The following NAGLU variants were observed in gnomAD, a reference collection of about 807,000 sequenced individuals.
NAGLU encodes N-acetyl-alpha-glucosaminidase, also known as alpha-N-acetylglucosaminidase.
NAGLU carries 34 observed loss-of-function variants against 43.4 expected under a neutral mutation model. The ratio of observed to expected loss-of-function variants is 0.78; its 90% confidence interval spans 0.60 to 1.04. NAGLU has a LOEUF of 1.04. Among genes scored for constraint, NAGLU ranks in the 50% least tolerant of loss-of-function variants. NAGLU has a pLI of 0.00. For missense variants in NAGLU, 910 were observed against 993.7 expected (o/e 0.92, Z 1.13); for synonymous variants, 425 against 437.6 (o/e 0.97, Z 0.36).
chr17:42,536,463 C>A lies in NAGLU; in HGVS notation c.191C>A (p.Thr64Asn). The A allele has an allele frequency of 8.1e-7, 1 of 1,233,144 alleles. No individual in the cohort carries two copies. Among genetic ancestry groups the A allele is most frequent in the Non-Finnish European group, 1.0e-6 (1 of 985,236 alleles). 76.4% of individuals were successfully genotyped at this position (1,233,144 alleles called of 1,614,324 possible). ...CTGGCTGCCAAGCCGGGCTTGGACA[C>A]CTACAGCCTGGGCGGCGGCGGCGCG... ...RALAAKPGLD[T>N]YSLGGGGAAR... The change falls in exon 1 of 6, where the codon ACC (threonine) becomes AAC (asparagine). Residue 64 changes from threonine to asparagine, a missense_variant. By Grantham distance (65) the Thr-to-Asn change is moderately conservative. Transcript: ENST00000225927.
Position 42,536,585 on chromosome 17 carries a change from G to C in NAGLU, c.313G>C (p.Gly105Arg), listed in dbSNP as rs1181544224. The change falls in exon 1 of 6, where the codon GGC (glycine) becomes CGC (arginine). Residue 105 changes from glycine (G) to arginine (R), a missense_variant. Gly to Arg is a moderately radical substitution (Grantham distance 125). Coordinates refer to ENST00000225927, the MANE Select transcript of NAGLU (RefSeq NM_000263.4). ...CTGTGGCTGCCACGTGGCCTGGTCC[G>C]GCTCTCAGCTGCGCCTGCCGCGGCC... ...DFCGCHVAWSGSQLRLPRPLP... is the reference protein window; with the variant it reads ...DFCGCHVAWSRSQLRLPRPLP... 1.3e-6 allele frequency: 2 copies of C among 1,490,210 alleles called. No individual in the cohort carries two copies. The highest frequency in any genetic ancestry group is 1.8e-6 in the Non-Finnish European group (2 of 1,127,928). 92.3% of individuals were successfully genotyped at this position (1,490,210 alleles called of 1,614,324 possible). A position where few individuals can be genotyped will look rare whatever the true frequency, so the allele number is the denominator to read the frequency against.
In NAGLU at chr17:42,536,306, G is replaced by T; in HGVS notation, c.34G>T (p.Val12Phe). The change falls in exon 1 of 6, where the codon GTC becomes TTC. Residue 12 changes from valine to phenylalanine, a missense_variant. Coordinates refer to ENST00000225927, the MANE Select transcript of NAGLU (RefSeq NM_000263.4). ...GGTGGCGGTGGCCGCGGCGGTGGGG[G>T]TCCTTCTCCTGGCCGGGGCCGGGGG... ...EAVAVAAAVG[V>F]LLLAGAGGAA... is the part of the protein sequence containing the mutation. 2 of 1,219,176 alleles carry T rather than the reference G, an allele frequency of 1.6e-6. No homozygotes were observed. Among genetic ancestry groups the T allele is most frequent in the Non-Finnish European group, 1.0e-6 (1 of 980,112 alleles). 75.5% of individuals were successfully genotyped at this position (1,219,176 alleles called of 1,614,324 possible).
At chr17:42,544,448 AACTGATGAG>A (rs1327042726) in exon 6 of NAGLU, 69 of 701,626 alleles carry the variant, frequency 9.8e-5, no homozygotes, top group Non-Finnish European at 1.5e-4. Flanking sequence ...TTTCCACTTA[AACTGATGAG>A]TCCCCTGGGT....
In NAGLU at chr17:42,543,354, C is replaced by G. The variant is rs1213961819; in HGVS notation, c.1348C>G (p.Gln450Glu). 2 of 1,612,798 alleles carry G rather than the reference C, an allele frequency of 1.2e-6. No individual in the cohort carries two copies. Among genetic ancestry groups the G allele is most frequent in the Non-Finnish European group, 1.7e-6 (2 of 1,179,828 alleles). Reference protein sequence around the residue: ...GTGMAPEGISQNEVVYSLMAE... With the variant: ...GTGMAPEGISENEVVYSLMAE... Reference sequence around the variant, plus strand: ...GGGCATGGCCCCCGAGGGCATCAGCCAGAACGAAGTGGTCTATTCCCTCAT... The same window carrying G: ...GGGCATGGCCCCCGAGGGCATCAGCGAGAACGAAGTGGTCTATTCCCTCAT... The change falls in exon 6 of 6, where the codon CAG (glutamine) becomes GAG (glutamate). Residue 450 changes from glutamine to glutamate, a missense_variant. Transcript: ENST00000225927.
Position 42,543,737 on chromosome 17 carries a change from G to C in NAGLU, c.1731G>C (p.Glu577Asp). 6.2e-7 allele frequency: 1 copy of C among 1,611,692 alleles called. No individual in the cohort carries two copies. Among genetic ancestry groups the C allele is most frequent in the Non-Finnish European group, 8.5e-7 (1 of 1,179,946 alleles). Residue 577 changes from glutamate (E) to aspartate (D), a missense_variant, in exon 6 of 6, where the codon GAG (glutamate) becomes GAC (aspartate). Physicochemically the swap from Glu to Asp is conservative, Grantham distance 45. Coordinates refer to ENST00000225927, the MANE Select transcript of NAGLU (RefSeq NM_000263.4). ...AVQELVSLYY[E>D]EARSAYLSKE... ...AGGAGCTGGTCAGCTTGTACTATGA[G>C]GAGGCAAGAAGCGCCTACCTGAGCA...
In NAGLU at chr17:42,536,495, G is replaced by C. The variant is rs1460838744; in HGVS notation, c.223G>C (p.Val75Leu). 35 of 1,230,510 alleles carry C rather than the reference G, an allele frequency of 2.8e-5. No homozygotes were observed. The highest frequency in any genetic ancestry group is 3.3e-5 in the Non-Finnish European group (33 of 989,770). 76.2% of individuals were successfully genotyped at this position (1,230,510 alleles called of 1,614,324 possible). A position where few individuals can be genotyped will look rare whatever the true frequency, so the allele number is the denominator to read the frequency against. ...CCTGGGCGGCGGCGGCGCGGCGCGC[G>C]TGCGGGTGCGCGGCTCCACGGGCGT... ...YSLGGGGAAR[V>L]RVRGSTGVAA... The change falls in exon 1 of 6, where the codon GTG (valine) becomes CTG (leucine). Residue 75 changes from valine to leucine, a missense_variant. By Grantham distance (32) the Val-to-Leu change is conservative (BLOSUM62 1). Coordinates refer to ENST00000225927, the MANE Select transcript of NAGLU (RefSeq NM_000263.4).
Position 42,544,276 on chromosome 17 carries a change from C to G in NAGLU, c.*38C>G. The stretch of plus-strand genomic sequence containing the variant: ...CACTGGGCCTTGTTTTCCGCTAATT[C>G]CAGGGCAGATTCCAGGGCCCAGAGC... On this transcript the variant is annotated 3_prime_UTR_variant, in exon 6 of 6. Transcript: ENST00000225927. 6.2e-7 allele frequency: 1 copy of G among 1,602,374 alleles called. No homozygotes were observed.
In NAGLU at chr17:42,538,405, G is replaced by C; in HGVS notation, c.598G>C (p.Ala200Pro). ...GTTCTTTACTGGTCCTGCCTTCCTG[G>C]CCTGGGGGCGAATGGGCAACCTGCA... is the stretch of plus-strand genomic sequence containing the variant. ...NEFFTGPAFL[A>P]WGRMGNLHTW... is the part of the protein sequence containing the mutation. Residue 200 changes from alanine (A) to proline (P), a missense_variant, in exon 3 of 6, where the codon GCC becomes CCC. Coordinates refer to ENST00000225927, the MANE Select transcript of NAGLU (RefSeq NM_000263.4). The C allele has an allele frequency of 6.2e-7, 1 of 1,614,212 alleles. No individual in the cohort carries two copies. Among genetic ancestry groups the C allele is most frequent in the South Asian group, 1.1e-5 (1 of 91,090 alleles).
At position 42,537,363 on chromosome 17, in the gene NAGLU, G is replaced by T. The variant is rs377504314; in HGVS notation, c.384-35G>T. On this transcript the variant is annotated intron_variant, in intron 1 of 5. Coordinates refer to ENST00000225927, the MANE Select transcript of NAGLU (RefSeq NM_000263.4). ...GTTCCAGGGCCGTGGACCCTCCAGG[G>T]TGGGATGCGCCCCTGCTCATGACAC... 19 of 1,613,670 alleles carry T rather than the reference G, an allele frequency of 1.2e-5. No individual in the cohort carries two copies. The African/African-American group carries it at 2.3e-4, about 19-fold the overall frequency.
At position 42,541,010 on chromosome 17, in the gene NAGLU, C is replaced by G. The variant is rs1419069826; in HGVS notation, c.825C>G (p.Tyr275Ter). 1 of 1,614,228 alleles carries G rather than the reference C, an allele frequency of 6.2e-7. No homozygotes were observed. The highest frequency in any genetic ancestry group is 2.2e-5 in the East Asian group (1 of 44,882). Residue 275 changes from tyrosine (Y) to a stop codon, truncating the protein, a stop_gained, in exon 5 of 6, where the codon TAC (tyrosine) becomes TAG (stop). Transcript: ENST00000225927. LOFTEE classifies it high-confidence loss of function. ...MGSWGHFNCS[Y>*]SCSFLLAPED... is the part of the protein sequence containing the mutation. ...GTTGGGGCCACTTTAACTGTTCCTA[C>G]TCCTGCTCCTTCCTTCTGGCTCCGG...
In NAGLU at chr17:42,537,465, G is replaced by A. The variant is rs1210937801; in HGVS notation, c.451G>A (p.Glu151Lys). ...CGTGTGGTGGGACTGGGCCCGCTGG[G>A]AGCGAGAGATAGACTGGATGGCGCT... ...SFVWWDWARW[E>K]REIDWMALNG... is the part of the protein sequence containing the mutation. Residue 151 changes from glutamate to lysine, a missense_variant, in exon 2 of 6, where the codon GAG becomes AAG. Physicochemically the swap from Glu to Lys is moderately conservative, Grantham distance 56 (BLOSUM62 1). Transcript: ENST00000225927. 2.5e-6 allele frequency: 4 copies of A among 1,614,140 alleles called. No individual in the cohort carries two copies. The highest frequency in any genetic ancestry group is 2.7e-5 in the African/African-American group (2 of 74,952).
In NAGLU at chr17:42,544,121, G is replaced by A. The variant is rs765154313; in HGVS notation, c.2115G>A (p.Glu705=). 2.5e-6 allele frequency: 4 copies of A among 1,614,138 alleles called. No homozygotes were observed. Among genetic ancestry groups the A allele is most frequent in the Non-Finnish European group, 3.4e-6 (4 of 1,180,030 alleles). The change falls in exon 6 of 6, where the codon GAG becomes GAA. Residue 705 remains glutamate, a synonymous_variant. Coordinates refer to ENST00000225927, the MANE Select transcript of NAGLU (RefSeq NM_000263.4). ...TTGACAAAAATGTCTTCCAACTGGA[G>A]CAGGCCTTCGTTCTCAGCAAGCAGA... The part of the protein sequence containing the change: ...HQFDKNVFQL[E]QAFVLSKQRY...
chr17:42,543,696 A>G lies in NAGLU; in HGVS notation c.1690A>G (p.Thr564Ala), dbSNP rs2092928656. ...PAFRYDLLDL[T>A]RQAVQELVSL... ...CTTCCGCTACGACCTGCTGGACCTC[A>G]CTCGGCAGGCAGTGCAGGAGCTGGT... Residue 564 changes from threonine to alanine, a missense_variant, in exon 6 of 6, where the codon ACT (threonine) becomes GCT (alanine). Thr to Ala is a moderately conservative substitution (Grantham distance 58). Coordinates refer to ENST00000225927, the MANE Select transcript of NAGLU (RefSeq NM_000263.4). 1 of 1,612,542 alleles carries G rather than the reference A, an allele frequency of 6.2e-7. No homozygotes were observed. Among genetic ancestry groups the G allele is most frequent in the African/African-American group, 1.3e-5 (1 of 74,910 alleles).
Position 42,536,560 on chromosome 17 carries a change from C to G in NAGLU, c.288C>G (p.Phe96Leu), listed in dbSNP as rs755082293. The change falls in exon 1 of 6, where the codon TTC (phenylalanine) becomes TTG (leucine). Residue 96 changes from phenylalanine to leucine, a missense_variant. Transcript: ENST00000225927. ...GGCTGCACCGCTACCTGCGCGACTT[C>G]TGTGGCTGCCACGTGGCCTGGTCCG... ...AAGLHRYLRD[F>L]CGCHVAWSGS... The G allele has an allele frequency of 6.8e-7, 1 of 1,479,134 alleles. No individual in the cohort carries two copies. Among genetic ancestry groups the G allele is most frequent in the Non-Finnish European group, 8.9e-7 (1 of 1,121,912 alleles). 91.6% of individuals were successfully genotyped at this position (1,479,134 alleles called of 1,614,324 possible).
rs1396299647 is a variant in NAGLU, at chr17:42,544,440, T to C, written c.*202T>C. On this transcript the variant is annotated 3_prime_UTR_variant, in exon 6 of 6. Coordinates refer to ENST00000225927, the MANE Select transcript of NAGLU (RefSeq NM_000263.4). ...TGTGGGATTAAAGTACTGTTTTCTT[T>C]CCACTTAAACTGATGAGTCCCCTGG... is the stretch of plus-strand genomic sequence containing the variant. 1 of 769,030 alleles carries C rather than the reference T, an allele frequency of 1.3e-6. No individual in the cohort carries two copies. Among genetic ancestry groups the C allele is most frequent in the Non-Finnish European group, 2.1e-6 (1 of 483,900 alleles). 47.6% of individuals were successfully genotyped at this position (769,030 alleles called of 1,614,324 possible). A position where few individuals can be genotyped will look rare whatever the true frequency, so the allele number is the denominator to read the frequency against.
intron 2 of NAGLU, among the ~76,000 whole-genome samples, chr17:42,538,027 T>C (rs933932880): frequency 3.3e-4 from 50 of 152,190 alleles, no homozygotes; most frequent in Non-Finnish European, 6.3e-4. Context: ...CAGGCTCTGC[T>C]TAAGCTCTTC....
At position 42,538,712 on chromosome 17, in the gene NAGLU, G is replaced by T. The variant is rs2092913856; in HGVS notation, c.721G>T (p.Val241Leu). The part of the protein sequence containing the change: ...DQMRSFGMTP[V>L]LPAFAGHVPE... ...GATGCGCTCCTTCGGCATGACCCCA[G>T]TGCTGCCTGCATTCGCGGGGCATGT... The change falls in exon 4 of 6, where the codon GTG becomes TTG. Residue 241 changes from valine (V) to leucine (L), a missense_variant. By Grantham distance (32) the Val-to-Leu change is conservative (BLOSUM62 1). Transcript: ENST00000225927. 4 of 1,613,934 alleles carry T rather than the reference G, an allele frequency of 2.5e-6. No individual in the cohort carries two copies. Among genetic ancestry groups the T allele is most frequent in the Non-Finnish European group, 3.4e-6 (4 of 1,180,048 alleles).
In NAGLU at chr17:42,543,616, T is replaced by C. The variant is rs1334949550; in HGVS notation, c.1610T>C (p.Phe537Ser). ...ATCTGGTACAACCGATCTGATGTGTTTGAGGCCTGGCGGCTGCTGCTCACA... is the reference window on the plus strand; with the variant it reads ...ATCTGGTACAACCGATCTGATGTGTCTGAGGCCTGGCGGCTGCTGCTCACA... ...TSIWYNRSDV[F>S]EAWRLLLTSA... Residue 537 changes from phenylalanine (F) to serine (S), a missense_variant, in exon 6 of 6, where the codon TTT becomes TCT. Coordinates refer to ENST00000225927, the MANE Select transcript of NAGLU (RefSeq NM_000263.4). 2.5e-6 allele frequency: 4 copies of C among 1,613,090 alleles called. No individual in the cohort carries two copies. Among genetic ancestry groups the C allele is most frequent in the Non-Finnish European group, 3.4e-6 (4 of 1,180,032 alleles).
chr17:42,539,887 A>G (rs1210436181), intron 4 of NAGLU, among the ~76,000 whole-genome samples: 7 of 151,984 alleles, frequency 4.6e-5, no homozygotes, highest in Admixed American at 1.3e-4. Context: ...GCTGAGGCGT[A>G]TGGATCACCT....
Sources: gnomAD v4.1 joint callset for allele counts (sites outside exome capture counted in the v4.1 genomes callset) on GRCh38, gnomAD v4.1.1 for gene constraint, MANE v1.5 for transcripts, NCBI Gene and HGNC (gene_info 2026-07-23, HGNC 2026-07-21) for gene names.